Variants in CLOCK observed in about 807,000 individuals in gnomAD.
CLOCK encodes the protein circadian locomoter output cycles protein kaput.
CLOCK carries 43 observed loss-of-function variants against 118.4 expected under a neutral mutation model. The observed-to-expected ratio is 0.36, with a 90% CI of 0.28 to 0.47. The LOEUF (loss-of-function observed/expected upper bound fraction) is 0.47. Among genes scored for constraint, CLOCK ranks in the 20% least tolerant of loss-of-function variants. CLOCK has a pLI of 1.00. For synonymous variants in CLOCK, 326 were observed against 339.2 expected (o/e 0.96, Z 0.43); for missense variants, 846 against 999.9 (o/e 0.85, Z 2.08).
intron 1 of CLOCK, among the ~76,000 whole-genome samples, chr4:55,516,510 T>C (rs1401469545): frequency 2.7e-5 from 4 of 145,592 alleles, no homozygotes; most frequent in African/African-American, 5.0e-5. Context: ...GAAATTAATA[T>C]AGCTATTCAT....
At chr4:55,536,460 G>A (rs74693586) in intron 1 of CLOCK, among the ~76,000 whole-genome samples, 5,146 of 152,128 alleles carry the variant, frequency 0.034, 106 homozygotes, top group Non-Finnish European at 0.054. Context: ...CCATCTCCTC[G>A]GTAATAAGTG....
Position 55,459,265 on chromosome 4 carries a change from A to G in CLOCK, c.560-4T>C. 6.5e-7 allele frequency: 1 copy of G among 1,544,994 alleles called. No homozygotes were observed. The highest frequency in any genetic ancestry group is 2.2e-5 in the East Asian group (1 of 44,492). On this transcript the variant is annotated splice_region_variant and splice_polypyrimidine_tract_variant and intron_variant, in intron 9 of 22. Transcript: ENST00000513440. ...CAGAATTCTAACTGATTTTTTGCTG[A>G]AATAAAAGAGATTTTAAAAATCACA...
chr4:55,503,383 G>A (rs1297523201), intron 2 of CLOCK, among the ~76,000 whole-genome samples: 1 of 152,152 alleles, frequency 6.6e-6, no homozygotes, highest in East Asian at 1.9e-4. Context: ...GCTAGGCACA[G>A]AATTCAAAAA....
At chr4:55,490,583 T>C (rs2109946906) in intron 2 of CLOCK, among the ~76,000 whole-genome samples, 1 of 152,292 alleles carries the variant, frequency 6.6e-6, no homozygotes, top group East Asian at 1.9e-4. Flanking sequence ...CTGCAGATGC[T>C]TAAGTCCCTT....
At chr4:55,483,261 G>A (rs1237899138) in intron 3 of CLOCK, among the ~76,000 whole-genome samples, 1 of 152,026 alleles carries the variant, frequency 6.6e-6, no homozygotes, top group Non-Finnish European at 1.5e-5. Flanking sequence ...ATTTGCAATT[G>A]AGCAGGAAGA....
intron 1 of CLOCK, among the ~76,000 whole-genome samples, chr4:55,535,394 A>G (rs940384203): frequency 6.6e-6 from 1 of 152,184 alleles, no homozygotes; most frequent in African/African-American, 2.4e-5. Flanking sequence ...ATAAATATTG[A>G]GTATTCTGCA....
chr4:55,470,598 C>T (rs1726067113), intron 8 of CLOCK, 119 bp downstream of exon 8: 2 of 690,390 alleles, frequency 2.9e-6, no homozygotes, highest in Non-Finnish European at 5.2e-6. Context: ...ACTTAGAGCT[C>T]TGATTCCTAC....
At chr4:55,533,011 T>C (rs1026786707) in intron 1 of CLOCK, among the ~76,000 whole-genome samples, 1 of 152,180 alleles carries the variant, frequency 6.6e-6, no homozygotes, top group African/African-American at 2.4e-5. Context: ...GTTTTTAAAC[T>C]GAAAGAGTTA....
chr4:55,487,201 T>A (rs1279831675), intron 3 of CLOCK, among the ~76,000 whole-genome samples: 1 of 152,196 alleles, frequency 6.6e-6, no homozygotes, highest in Non-Finnish European at 1.5e-5. Context: ...CTAACTGCTC[T>A]CCATTTCCCC....
At chr4:55,482,715 TA>T in intron 4 of CLOCK, 23 bp downstream of exon 4, 1 of 1,536,352 alleles carries the variant, frequency 6.5e-7, no homozygotes, top group Non-Finnish European at 8.9e-7. Context: ...ATATATAACT[TA>T]AAATAAGTCT....
In CLOCK at chr4:55,482,832, A is replaced by C; in HGVS notation, c.-43-4T>G. 7.2e-7 allele frequency: 1 copy of C among 1,380,984 alleles called. No homozygotes were observed. Among genetic ancestry groups the C allele is most frequent in the Non-Finnish European group, 1.0e-6 (1 of 982,838 alleles). 85.5% of individuals were successfully genotyped at this position (1,380,984 alleles called of 1,614,324 possible). ...GTAGTAGACATTTGTACTTCTCCTTAGGTGAAAAGAAAAATAAATGGTCAT... is the reference window on the plus strand; with the variant it reads ...GTAGTAGACATTTGTACTTCTCCTTCGGTGAAAAGAAAAATAAATGGTCAT... On this transcript the variant is annotated splice_region_variant and splice_polypyrimidine_tract_variant and intron_variant, in intron 3 of 22. Transcript: ENST00000513440.
At chr4:55,462,618 A>G (rs1488304401) in intron 9 of CLOCK, among the ~76,000 whole-genome samples, 3 of 152,102 alleles carry the variant, frequency 2.0e-5, no homozygotes, top group African/African-American at 4.8e-5. Context: ...TGTTCTACGT[A>G]TTTACCTCAA....
chr4:55,495,096 C>T (rs539316816), intron 2 of CLOCK, among the ~76,000 whole-genome samples: 1 of 152,184 alleles, frequency 6.6e-6, no homozygotes, highest in Non-Finnish European at 1.5e-5. Context: ...TCCCATTATG[C>T]CCTCCATTCT....
chr4:55,435,453 C>G lies in CLOCK; in HGVS notation c.2503G>C (p.Asp835His), dbSNP rs948527675. Reference sequence around the variant, plus strand: ...ACCTTGGAAGGGTCGGGCAAGCTGTCAGTCCTGTGCCGGCTGAGTTGCTGC... The same window carrying G: ...ACCTTGGAAGGGTCGGGCAAGCTGTGAGTCCTGTGCCGGCTGAGTTGCTGC... ...QQQQLSRHRT[D>H]SLPDPSKVQP... Residue 835 changes from aspartate to histidine, a missense_variant, in exon 23 of 23, where the codon GAC becomes CAC. Asp to His is a moderately conservative substitution (Grantham distance 81). Transcript: ENST00000513440. 6.2e-7 allele frequency: 1 copy of G among 1,614,038 alleles called. No homozygotes were observed. The highest frequency in any genetic ancestry group is 1.3e-5 in the African/African-American group (1 of 75,042).
At chr4:55,507,822 G>A (rs1728907486) in intron 2 of CLOCK, among the ~76,000 whole-genome samples, 1 of 152,050 alleles carries the variant, frequency 6.6e-6, no homozygotes, top group Admixed American at 6.5e-5. Flanking sequence ...TGCCAAATAT[G>A]TGCCAGGCCT....
intron 1 of CLOCK, among the ~76,000 whole-genome samples, chr4:55,542,715 T>C (rs985825761): frequency 1.3e-5 from 2 of 152,064 alleles, no homozygotes; most frequent in African/African-American, 4.8e-5. Flanking sequence ...AAAAGCTAAA[T>C]TTTATCCAAG....
At chr4:55,508,596 T>TTC (rs1278595941) in intron 2 of CLOCK, among the ~76,000 whole-genome samples, 17 of 85,150 alleles carry the variant, frequency 2.0e-4, no homozygotes, top group African/African-American at 5.8e-4. Flanking sequence ...ACGGGTAAAT[T>TTC]TTTTTTTTTT....
chr4:55,535,428 CA>C (rs1248698704), intron 1 of CLOCK, among the ~76,000 whole-genome samples: 2 of 152,030 alleles, frequency 1.3e-5, no homozygotes, highest in African/African-American at 4.8e-5. Flanking sequence ...TGACAGGCGC[CA>C]GCTAGAGTGG....
At chr4:55,476,080 G>T (rs957338939) in intron 6 of CLOCK, 26 bp from the exon 7 acceptor site, 6 of 1,490,598 alleles carry the variant, frequency 4.0e-6, no homozygotes, top group Non-Finnish European at 5.6e-6. Flanking sequence ...CATATTAGTG[G>T]CATACTCCAA....
Sources: gnomAD v4.1 joint callset for allele counts (sites outside exome capture counted in the v4.1 genomes callset) on GRCh38, gnomAD v4.1.1 for gene constraint, MANE v1.5 for transcripts, NCBI Gene and HGNC (gene_info 2026-07-23, HGNC 2026-07-21) for gene names.